Variants in PHLPP1 observed in about 807,000 individuals in gnomAD.
PHLPP1 encodes the protein PH domain and leucine rich repeat protein phosphatase 1.
A neutral mutation model predicts 117.2 loss-of-function variants in PHLPP1; 42 were observed. That is an observed-to-expected ratio of 0.36 (90% confidence interval 0.28 to 0.46). The LOEUF is 0.46. Ranked by LOEUF, PHLPP1 falls within the 20% of genes least tolerant of loss-of-function variation. The pLI is 1.00. For synonymous variants in PHLPP1, 1,042 were observed against 970.7 expected, an observed-to-expected ratio of 1.07 and a Z score of -1.37; for missense variants, 2,084 against 2,241.9, an observed-to-expected ratio of 0.93 and a Z score of 1.42.
intron 1 of PHLPP1, among the ~76,000 whole-genome samples, chr18:62,815,589 G>T (rs139776560): frequency 6.6e-6 from 1 of 152,270 alleles, no homozygotes; most frequent in East Asian, 1.9e-4. Context: ...GTATCCTCAC[G>T]ACAGGGCAGC....
intron 4 of PHLPP1, among the ~76,000 whole-genome samples, chr18:62,878,675 G>A (rs192331804): frequency 2.7e-3 from 413 of 152,192 alleles, no homozygotes; most frequent in Non-Finnish European, 4.7e-3. Flanking sequence ...TCTTTTGGAC[G>A]TATAATTAAT....
chr18:62,897,938 A>T lies in PHLPP1; in HGVS notation c.2444+1927A>T, dbSNP rs74968904. Among the ~76,000 whole-genome samples the T allele has an allele frequency of 5.3e-3, 600 of 112,930 alleles. 12 individuals are homozygous for T. In the East Asian group the frequency reaches 0.06, roughly 11 times the overall value. 74.1% of individuals were successfully genotyped at this position (112,930 alleles called of 152,430 possible). On this transcript the variant is annotated intron_variant, in intron 6 of 16. Transcript: ENST00000262719. ...TAAATGGAAATGGTACATCAGATTG[A>T]TTATTTTTTTCTTTGCATTGATGTT...
chr18:62,824,831 A>T (rs1347757157), intron 1 of PHLPP1, among the ~76,000 whole-genome samples: 1 of 152,170 alleles, frequency 6.6e-6, no homozygotes, highest in Non-Finnish European at 1.5e-5. Context: ...CAACAAAGGC[A>T]CACAAAGTAT....
At chr18:62,960,371 G>A (rs191521540) in intron 13 of PHLPP1, among the ~76,000 whole-genome samples, 12 of 152,180 alleles carry the variant, frequency 7.9e-5, no homozygotes, top group Non-Finnish European at 1.2e-4. Flanking sequence ...ATGTAGATTG[G>A]TTTCAATATT....
At chr18:62,819,386 GGAAT>G (rs1395953221) in intron 1 of PHLPP1, among the ~76,000 whole-genome samples, 1 of 152,032 alleles carries the variant, frequency 6.6e-6, no homozygotes, top group African/African-American at 2.4e-5. Context: ...AAAGCAGGAG[GGAAT>G]GAATTGTTAA....
intron 4 of PHLPP1, among the ~76,000 whole-genome samples, chr18:62,870,684 T>G (rs1915882576): frequency 6.6e-6 from 1 of 152,228 alleles, no homozygotes; most frequent in Admixed American, 6.5e-5. Flanking sequence ...CATTTTATCT[T>G]AAGCACATAT....
chr18:62,794,847 T>C (rs867037836), intron 1 of PHLPP1, among the ~76,000 whole-genome samples: 66 of 152,220 alleles, frequency 4.3e-4, no homozygotes, highest in African/African-American at 1.5e-3. Flanking sequence ...TGTGGTGTTT[T>C]CAGTGCTGGG....
At chr18:62,794,152 A>G (rs374366262) in intron 1 of PHLPP1, among the ~76,000 whole-genome samples, 1 of 152,222 alleles carries the variant, frequency 6.6e-6, no homozygotes, top group African/African-American at 2.4e-5. Context: ...TTGTATACAT[A>G]TGCATACATA....
rs547060961 is a variant in PHLPP1 at position 62,979,582 on chromosome 18, T to G, written c.*151T>G. On this transcript the variant is annotated 3_prime_UTR_variant, in exon 17 of 17. Coordinates refer to ENST00000262719, the MANE Select transcript of PHLPP1 (RefSeq NM_194449.4). ...TCGCAGCTAATCTGTAGGTTCTCTT[T>G]CTTTGGGTTATTTTTTTAAGTAATC... 1.4e-4 allele frequency: 119 copies of G among 822,820 alleles called. 2 individuals carry two copies. The South Asian group carries it at 2.1e-3, about 15-fold the overall frequency. 51.0% of individuals were successfully genotyped at this position (822,820 alleles called of 1,614,324 possible).
chr18:62,923,016 T>C (rs1198116061), intron 10 of PHLPP1, among the ~76,000 whole-genome samples: 1 of 152,142 alleles, frequency 6.6e-6, no homozygotes, highest in African/African-American at 2.4e-5. Context: ...AAAGGAAGGA[T>C]TGTGTGAACT....
rs375150452 is a variant in PHLPP1 at position 62,804,240 on chromosome 18, G to A, written c.1577-25795G>A. On this transcript the variant is annotated intron_variant, in intron 1 of 16. Coordinates refer to ENST00000262719, the MANE Select transcript of PHLPP1 (RefSeq NM_194449.4). ...CACTCACCATCATGAGAACAGCATG[G>A]GAGAAACTGCCCCCATGATCCAATC... is the stretch of plus-strand genomic sequence containing the variant. 9.9e-5 allele frequency among the ~76,000 whole-genome samples: 15 copies of A among 152,178 alleles called. No individual in the cohort carries two copies. In the East Asian group the frequency reaches 2.9e-3, roughly 29 times the overall value.
At chr18:62,892,684 G>C (rs530371041) in intron 4 of PHLPP1, among the ~76,000 whole-genome samples, 1 of 151,588 alleles carries the variant, frequency 6.6e-6, no homozygotes, top group East Asian at 2.0e-4. Flanking sequence ...AGACCATCCT[G>C]GCCAACATGG....
intron 10 of PHLPP1, among the ~76,000 whole-genome samples, chr18:62,923,112 A>C (rs576835400): frequency 4.7e-4 from 71 of 152,316 alleles, no homozygotes; most frequent in Middle Eastern, 3.4e-3. Context: ...AGTGTTAGCT[A>C]AAGGCATTTA....
chr18:62,954,037 G>A (rs1338714973), intron 12 of PHLPP1, among the ~76,000 whole-genome samples: 1 of 152,198 alleles, frequency 6.6e-6, no homozygotes, highest in Non-Finnish European at 1.5e-5. Flanking sequence ...GCTCCATGCA[G>A]CTTTTGTGAT....
intron 9 of PHLPP1, among the ~76,000 whole-genome samples, chr18:62,918,625 G>C (rs1909372146): frequency 6.6e-6 from 1 of 152,016 alleles, no homozygotes. Context: ...GAGACAGGTT[G>C]CTAGCATCTT....
At chr18:62,821,548 C>CAAAAA (rs1568127680) in intron 1 of PHLPP1, among the ~76,000 whole-genome samples, 685 of 23,280 alleles carry the variant, frequency 0.029, 14 homozygotes, top group Middle Eastern at 0.062. Flanking sequence ...GACCCTTTAT[C>CAAAAA]CAAAAAAAAA....
intron 10 of PHLPP1, among the ~76,000 whole-genome samples, chr18:62,930,780 C>T (rs1265561344): frequency 1.3e-5 from 2 of 152,198 alleles, no homozygotes; most frequent in Non-Finnish European, 2.9e-5. Flanking sequence ...AGATTGACTA[C>T]CTGCTCAGTC....
chr18:62,823,990 G>C (rs769841417), intron 1 of PHLPP1, among the ~76,000 whole-genome samples: 2 of 152,142 alleles, frequency 1.3e-5, no homozygotes, highest in Non-Finnish European at 2.9e-5. Context: ...AAATTAGCCA[G>C]GCGTGGTGGC....
At chr18:62,728,213 T>C (rs1911132505) in intron 1 of PHLPP1, among the ~76,000 whole-genome samples, 1 of 151,610 alleles carries the variant, frequency 6.6e-6, no homozygotes, top group African/African-American at 2.4e-5. Flanking sequence ...AAGAATCACT[T>C]GAGTCCAGGA....
Sources: allele counts gnomAD v4.1 joint callset (sites outside exome capture counted in the v4.1 genomes callset), GRCh38; gene constraint gnomAD v4.1.1; transcripts MANE v1.5; gene names NCBI Gene and HGNC (gene_info 2026-07-23, HGNC 2026-07-21).